The following PSG1 variants were observed in gnomAD, a reference collection of about 807,000 sequenced individuals.
PSG1 encodes the protein pregnancy specific beta-1-glycoprotein 1, also known as pregnancy-specific beta-1-glycoprotein 1.
Under a neutral mutation model 41.4 loss-of-function variants are expected in PSG1, and 60 were observed. The observed-to-expected ratio is 1.45, with a 90% CI of 1.18 to 1.80. PSG1 has a LOEUF of 1.80. Among genes scored for constraint, PSG1 ranks in the 40% most tolerant of loss-of-function variants. The pLI, the probability that PSG1 is intolerant of heterozygous loss-of-function variation, is 0.00. For synonymous variants in PSG1, 256 were observed against 192.9 expected (o/e 1.33, Z -2.71); for missense variants, 806 against 516.9 (o/e 1.56, Z -5.42).
At chr19:42,867,404 A>C (rs1358027001) in intron 5 of PSG1, 1 of 574,138 alleles carries the variant, frequency 1.7e-6, no homozygotes, top group African/African-American at 1.9e-5. Flanking sequence ...CTTTTCTCTA[A>C]GTTTTTATAA....
chr19:42,869,116 T>A lies in PSG1; in HGVS notation c.710-82A>T, dbSNP rs1253798049. On this transcript the variant is annotated intron_variant, in intron 3 of 5. Transcript: ENST00000436291. ...GTATCCTTCAATCAGAGTTGGCATC[T>A]CCCACCTCTCATTCCACCCGAGTCC... 2.1e-5 allele frequency: 33 copies of A among 1,573,184 alleles called. 2 individuals are homozygous for A. The highest frequency in any genetic ancestry group is 2.7e-5 in the Non-Finnish European group (31 of 1,159,918).
rs138095768 is a variant in PSG1, at chr19:42,875,284, T to C, written c.430+2629A>G. Among the ~76,000 whole-genome samples, 1,399 of 151,876 alleles carry C rather than the reference T, an allele frequency of 9.2e-3. 52 individuals carry two copies. The highest frequency in any genetic ancestry group is 0.03 in the African/African-American group (1,245 of 41,398). ...CCATAAAACTAACACCCTTACTTTG[T>C]CCAGGGACTGCCTTTGTAAAACTAG... On this transcript the variant is annotated intron_variant, in intron 2 of 5. Coordinates refer to ENST00000436291, the MANE Select transcript of PSG1 (RefSeq NM_001184825.2).
At chr19:42,872,568 G>A (rs963471274) in intron 2 of PSG1, among the ~76,000 whole-genome samples, 5 of 151,694 alleles carry the variant, frequency 3.3e-5, no homozygotes, top group African/African-American at 1.2e-4. Context: ...ATAAAACAGG[G>A]GAGACCAGAG....
chr19:42,879,202 G>A (rs1028142110), intron 1 of PSG1, among the ~76,000 whole-genome samples: 10 of 148,024 alleles, frequency 6.8e-5, no homozygotes, highest in Non-Finnish European at 1.0e-4. Context: ...GCCCAGGCTG[G>A]CATGCGGTGG....
In PSG1 at chr19:42,877,950, A is replaced by C. The variant is rs1451829744; in HGVS notation, c.393T>G (p.Thr131=). Residue 131 remains threonine, a synonymous_variant, in exon 2 of 6, where the codon ACT becomes ACG. Transcript: ENST00000436291. ...TLHIIKGDDG[T]RGVTGRFTFT... Reference sequence around the variant, plus strand: ...AGGTGAAACGTCCAGTTACTCCTCTAGTCCCATCATCTCCCTTTATGATGT... The same window carrying C: ...AGGTGAAACGTCCAGTTACTCCTCTCGTCCCATCATCTCCCTTTATGATGT... The C allele has an allele frequency of 1.2e-6, 2 of 1,612,400 alleles. No individual in the cohort carries two copies. The highest frequency in any genetic ancestry group is 1.1e-5 in the South Asian group (1 of 90,836).
chr19:42,872,078 G>T, intron 2 of PSG1, 33 bp from the exon 3 acceptor site: 1 of 1,592,178 alleles, frequency 6.3e-7, no homozygotes, highest in Non-Finnish European at 8.6e-7. Flanking sequence ...ATTGCCGTGT[G>T]TGGCGCCTTT....
At chr19:42,876,876 A>G (rs990618714) in intron 2 of PSG1, 2 of 152,600 alleles carry the variant, frequency 1.3e-5, no homozygotes, top group African/African-American at 2.4e-5. Flanking sequence ...GGAACCCAGT[A>G]AGCCCTCACT....
At chr19:42,871,430 G>A (rs1414241180) in intron 3 of PSG1, among the ~76,000 whole-genome samples, 1 of 151,538 alleles carries the variant, frequency 6.6e-6, no homozygotes, top group Non-Finnish European at 1.5e-5. Context: ...TCTGTGGAAG[G>A]GCCACAATCA....
chr19:42,878,620 G>A (rs6509044), intron 1 of PSG1, among the ~76,000 whole-genome samples: 5 of 134,592 alleles, frequency 3.7e-5, no homozygotes, highest in African/African-American at 5.9e-5. Context: ...TCAGGGCATC[G>A]TTAGACTTCT....
At position 42,871,354 on chromosome 19, in the gene PSG1, C is replaced by T. The variant is rs530457135; in HGVS notation, c.709+413G>A. ...ATGAGGAAGAAATGGTGGGGGCATC[C>T]AGGCCATGTGGAGTAAAGAGAATAA... On this transcript the variant is annotated intron_variant, in intron 3 of 5. Transcript: ENST00000436291. Among the ~76,000 whole-genome samples, 9 of 151,536 alleles carry T rather than the reference C, an allele frequency of 5.9e-5. 1 individual carries two copies. The highest frequency in any genetic ancestry group is 1.3e-4 in the Non-Finnish European group (9 of 67,886).
At position 42,878,089 on chromosome 19, in the gene PSG1, T is replaced by C. The variant is rs571719495; in HGVS notation, c.254A>G (p.Asp85Gly). 24 of 1,612,234 alleles carry C rather than the reference T, an allele frequency of 1.5e-5. No individual in the cohort carries two copies. The highest frequency in any genetic ancestry group is 2.0e-5 in the Non-Finnish European group (23 of 1,179,138). Reference sequence around the variant, plus strand: ...AGGCCCATATATAATTATTTCACCGTCTACTACATATGATGTAATGTAATG... The same window carrying C: ...AGGCCCATATATAATTATTTCACCGCCTACTACATATGATGTAATGTAATG... ...LYHYITSYVV[D>G]GEIIIYGPAY... The change falls in exon 2 of 6, where the codon GAC becomes GGC. Residue 85 changes from aspartate to glycine, a missense_variant. Coordinates refer to ENST00000436291, the MANE Select transcript of PSG1 (RefSeq NM_001184825.2).
In PSG1 at chr19:42,871,916, A is replaced by G; in HGVS notation, c.560T>C (p.Leu187Pro). 1 of 1,612,346 alleles carries G rather than the reference A, an allele frequency of 6.2e-7. No individual in the cohort carries two copies. ...SYLWWMNGQS[L>P]PMTHSLKLSE... ...CAGCTTCAAGCTGTGAGTCATAGGG[A>G]GGCTCTGACCATTCATCCACCACAG... is the stretch of plus-strand genomic sequence containing the variant. The change falls in exon 3 of 6, where the codon CTC (leucine) becomes CCC (proline). Residue 187 changes from leucine to proline, a missense_variant. By Grantham distance (98) the Leu-to-Pro change is moderately conservative. Transcript: ENST00000436291.
chr19:42,878,700 G>T (rs1380380010), intron 1 of PSG1, among the ~76,000 whole-genome samples: 1 of 148,908 alleles, frequency 6.7e-6, no homozygotes, highest in Non-Finnish European at 1.5e-5. Context: ...TCCCTCCAGG[G>T]TTCTTGTCAA....
At position 42,867,900 on chromosome 19, in the gene PSG1, G is replaced by A. The variant is rs776268597; in HGVS notation, c.1243+201C>T. On this transcript the variant is annotated intron_variant, in intron 5 of 5. Coordinates refer to ENST00000436291, the MANE Select transcript of PSG1 (RefSeq NM_001184825.2). The stretch of plus-strand genomic sequence containing the variant: ...TGTTCTTCCTGCTTGGTCTAGGCTG[G>A]GAATATTATGAAGATATCAGCCTGT... 167 of 1,470,916 alleles carry A rather than the reference G, an allele frequency of 1.1e-4. 1 individual carries two copies. The highest frequency in any genetic ancestry group is 1.4e-4 in the Non-Finnish European group (151 of 1,091,648). 91.1% of individuals were successfully genotyped at this position (1,470,916 alleles called of 1,614,324 possible).
chr19:42,872,724 T>C (rs371317609), intron 2 of PSG1, among the ~76,000 whole-genome samples: 4 of 151,712 alleles, frequency 2.6e-5, no homozygotes, highest in South Asian at 2.1e-4. Context: ...GTGAAGGGGA[T>C]AGGCAAGAGC....
At chr19:42,875,464 C>T (rs544939890) in intron 2 of PSG1, among the ~76,000 whole-genome samples, 3 of 151,764 alleles carry the variant, frequency 2.0e-5, no homozygotes, top group South Asian at 2.1e-4. Context: ...TATTGTAGAA[C>T]GTGAGATTGG....
rs778240099 is a variant in PSG1 at position 42,878,151 on chromosome 19, G to A, written c.192C>T (p.Gly64=). Residue 64 remains glycine, a synonymous_variant, in exon 2 of 6, where the codon GGC becomes GGT. Coordinates refer to ENST00000436291, the MANE Select transcript of PSG1 (RefSeq NM_001184825.2). The part of the protein sequence containing the change: ...LVHNLPQNLT[G]YIWYKGQMRD... The stretch of plus-strand genomic sequence containing the variant: ...TCATTTGCCCTTTGTACCAGATGTA[G>A]CCGGTAAGATTCTGGGGCAAATTGT... 6.2e-6 allele frequency: 10 copies of A among 1,612,178 alleles called. No individual in the cohort carries two copies. The highest frequency in any genetic ancestry group is 1.1e-5 in the South Asian group (1 of 90,822).
At chr19:42,878,314 C>A in intron 1 of PSG1, 36 bp from the exon 2 acceptor site, 3 of 1,576,002 alleles carry the variant, frequency 1.9e-6, no homozygotes, top group Non-Finnish European at 2.6e-6. Context: ...AATATTGAGA[C>A]CTATGTATTG....
chr19:42,867,919 A>C, intron 5 of PSG1, 182 bp downstream of exon 5: 1 of 1,520,496 alleles, frequency 6.6e-7, no homozygotes, highest in Admixed American at 2.0e-5. Flanking sequence ...TGAAGATATC[A>C]GCCTGTTTGT....
Sources: allele counts gnomAD v4.1 joint callset (sites outside exome capture counted in the v4.1 genomes callset), GRCh38; gene constraint gnomAD v4.1.1; transcripts MANE v1.5; gene names NCBI Gene and HGNC (gene_info 2026-07-23, HGNC 2026-07-21).